NAIP: variants seen among roughly 807,000 people sequenced by gnomAD.
NAIP encodes baculoviral IAP repeat-containing protein 1.
A neutral mutation model predicts 23.0 loss-of-function variants in NAIP; 15 were observed. The observed-to-expected ratio is 0.65, with a 90% CI of 0.44 to 1.00. The LOEUF is 1.00. Ranked by LOEUF, NAIP falls within the 50% of genes least tolerant of loss-of-function variation. The probability of loss-of-function intolerance (pLI) is 0.00; values close to 1 mark genes in which losing one functional copy is unlikely to be tolerated. For missense variants in NAIP, 265 were observed against 278.8 expected (o/e 0.95, Z 0.35); for synonymous variants, 100 against 100.2 (o/e 1.00, Z 0.01).
chr5:71,011,637 T>C (rs4976210), intron 4 of NAIP: 403,735 of 508,792 alleles, frequency 0.79, 162,577 homozygotes, highest in African/African-American at 0.95. Flanking sequence ...GCTCTTTGAG[T>C]TCTCAGGGTC....
chr5:71,011,237 A>G lies in NAIP; in HGVS notation c.668+38T>C, dbSNP rs746371642. On this transcript the variant is annotated intron_variant, in intron 5 of 16. Transcript: ENST00000517649. ...GGCAGAGCAAGACTGTCTCAAAAAA[A>G]AAAGAAAGAAACATTTAAGCAAAAA... 7 of 1,511,288 alleles carry G rather than the reference A, an allele frequency of 4.6e-6. No individual in the cohort carries two copies. In the African/African-American group the frequency reaches 7.0e-5, roughly 15 times the overall value. The allele number at this position is 1,511,288 out of a possible 1,614,324, so 93.6% of individuals were successfully genotyped here. A position where few individuals can be genotyped will look rare whatever the true frequency, so the allele number is the denominator to read the frequency against.
Position 71,012,433 on chromosome 5 carries a change from A to C in NAIP, c.483T>G (p.Ala161=). The change falls in exon 4 of 17, where the codon GCT becomes GCG. Residue 161 remains alanine (A), a synonymous_variant. Transcript: ENST00000517649. The stretch of plus-strand genomic sequence containing the variant: ...GCCAGTTCCTGAAGGACGCAAGTCT[A>C]GCCTCCTCTTCTTGGTACCTCATTT... ...GGKMRYQEEE[A]RLASFRNWPF... 5 of 1,597,970 alleles carry C rather than the reference A, an allele frequency of 3.1e-6. No individual in the cohort carries two copies. The highest frequency in any genetic ancestry group is 4.3e-6 in the Non-Finnish European group (5 of 1,165,816).
rs1253917179 is a variant in NAIP at position 70,979,581 on chromosome 5, A to AT, written c.3442+287_3442+288insA. Among the ~76,000 whole-genome samples the AT allele has an allele frequency of 8.5e-5, 4 of 46,810 alleles. 1 individual carries two copies. The highest frequency in any genetic ancestry group is 1.6e-4 in the Non-Finnish European group (4 of 24,740). 30.7% of individuals were successfully genotyped at this position (46,810 alleles called of 152,430 possible). A position where few individuals can be genotyped will look rare whatever the true frequency, so the allele number is the denominator to read the frequency against. ...CAGCGGGAGACTGTCTCAAAAAAAA[A>AT]AAAAATAATAATAATAATAATAATA... On this transcript the variant is annotated intron_variant, in intron 13 of 16. Transcript: ENST00000517649.
At chr5:71,011,465 G>A (rs532981361) in intron 4 of NAIP, 91 bp from the exon 5 acceptor site, 2 of 1,078,376 alleles carry the variant, frequency 1.9e-6, no homozygotes, top group Non-Finnish European at 1.4e-6. Flanking sequence ...AGCAAGACAA[G>A]CTCCAGCGTG....
chr5:71,011,417 C>T, intron 4 of NAIP, 43 bp from the exon 5 acceptor site: 1 of 1,453,608 alleles, frequency 6.9e-7, no homozygotes. Context: ...GCAGTGGCAC[C>T]AGGGGGTATG....
intron 5 of NAIP, 50 bp downstream of exon 5, chr5:71,011,225 T>G: frequency 7.0e-7 from 1 of 1,424,646 alleles, no homozygotes. Context: ...AGAGCAAGAC[T>G]GTCTCAAAAA....
chr5:71,010,308 G>A (rs778667048), intron 5 of NAIP, among the ~76,000 whole-genome samples: 13 of 150,736 alleles, frequency 8.6e-5, no homozygotes, highest in East Asian at 3.9e-4. Context: ...TCACTCTGTC[G>A]CCCAGGCCGG....
chr5:71,014,308 G>C (rs1023099224), intron 3 of NAIP, among the ~76,000 whole-genome samples: 1 of 151,250 alleles, frequency 6.6e-6, no homozygotes, highest in Non-Finnish European at 1.5e-5. Context: ...ATGTTGGCCA[G>C]CTTGGTCTCC....
Position 71,012,493 on chromosome 5 carries a change from C to T in NAIP, c.423G>A (p.Arg141=). 1 of 1,611,632 alleles carries T rather than the reference C, an allele frequency of 6.2e-7. No individual in the cohort carries two copies. Among genetic ancestry groups the T allele is most frequent in the Non-Finnish European group, 8.5e-7 (1 of 1,178,452 alleles). ...DVGNIAKYDI[R]VKNLKSRLRG... is the part of the protein sequence containing the mutation. ...TCAGCCTGCTCTTCAGATTCTTCAC[C>T]CTTATGTCGTACTTGGCAATGTTAC... is the stretch of plus-strand genomic sequence containing the variant. Residue 141 remains arginine, a synonymous_variant, in exon 4 of 17, where the codon AGG becomes AGA. Coordinates refer to ENST00000517649, the MANE Select transcript of NAIP (RefSeq NM_004536.3).
rs1751166013 is a variant in NAIP, at chr5:71,011,653, G to T, written c.569-279C>A. ...CTCTTTGAGTTCTCAGGGTCAAAGT[G>T]ATAGGGAAGCCGACTAACACCAGGA... On this transcript the variant is annotated intron_variant, in intron 4 of 16. Coordinates refer to ENST00000517649, the MANE Select transcript of NAIP (RefSeq NM_004536.3). 3 of 501,040 alleles carry T rather than the reference G, an allele frequency of 6.0e-6. No homozygotes were observed. In the East Asian group the frequency reaches 1.1e-4, roughly 18 times the overall value. The allele number at this position is 501,040 out of a possible 1,614,324, so 31.0% of individuals were successfully genotyped here.
chr5:71,015,063 C>A lies in NAIP; in HGVS notation c.-3-2145G>T, dbSNP rs1751369766. ...ACAAATGCAAATTGATTATGATTTTCTCCTGAAATAGGAATCAAAAAGAAA... is the reference window on the plus strand; with the variant it reads ...ACAAATGCAAATTGATTATGATTTTATCCTGAAATAGGAATCAAAAAGAAA... On this transcript the variant is annotated intron_variant, in intron 3 of 16. Coordinates refer to ENST00000517649, the MANE Select transcript of NAIP (RefSeq NM_004536.3). Among the ~76,000 whole-genome samples the A allele has an allele frequency of 1.3e-5, 2 of 151,512 alleles. 1 individual carries two copies. Among genetic ancestry groups the A allele is most frequent in the Non-Finnish European group, 3.0e-5 (2 of 67,780 alleles).
chr5:71,010,599 T>TA (rs1235463269), intron 5 of NAIP, among the ~76,000 whole-genome samples: 3 of 150,790 alleles, frequency 2.0e-5, no homozygotes, highest in Non-Finnish European at 4.4e-5. Flanking sequence ...ACAGGGTCTC[T>TA]ACATGCCAGG....
chr5:71,012,435 C>G lies in NAIP; in HGVS notation c.481G>C (p.Ala161Pro). ...GGKMRYQEEEARLASFRNWPF... is the reference protein window; with the variant it reads ...GGKMRYQEEEPRLASFRNWPF... ...CAGTTCCTGAAGGACGCAAGTCTAGCCTCCTCTTCTTGGTACCTCATTTTA... is the reference window on the plus strand; with the variant it reads ...CAGTTCCTGAAGGACGCAAGTCTAGGCTCCTCTTCTTGGTACCTCATTTTA... Residue 161 changes from alanine to proline, a missense_variant, in exon 4 of 17, where the codon GCT becomes CCT. Around this residue, in one of 2 missense-constraint regions of NAIP, gnomAD observed 261 missense variants for 259.2 expected, o/e 1.01. Transcript: ENST00000517649. The G allele has an allele frequency of 1.5e-4, 237 of 1,584,654 alleles. No homozygotes were observed. Among genetic ancestry groups the G allele is most frequent in the Middle Eastern group, 3.3e-4 (2 of 6,016 alleles).
At chr5:70,978,097 GTA>G (rs1185231998) in intron 13 of NAIP, among the ~76,000 whole-genome samples, 5 of 72,762 alleles carry the variant, frequency 6.9e-5, no homozygotes, top group Admixed American at 1.8e-4. Flanking sequence ...CAGCTTCGGT[GTA>G]TATATGTATG....
rs975209710 is a variant in NAIP at position 71,025,160 on chromosome 5, T to C, written c.-764A>G. On this transcript the variant is annotated 5_prime_UTR_variant, in exon 1 of 17. Coordinates refer to ENST00000517649, the MANE Select transcript of NAIP (RefSeq NM_004536.3). Reference sequence around the variant, plus strand: ...TATATATATTTATTATATCACAATATTGCAGCCTACTACTTGCCAGGCACA... The same window carrying C: ...TATATATATTTATTATATCACAATACTGCAGCCTACTACTTGCCAGGCACA... 66 of 32,342 alleles carry C rather than the reference T, an allele frequency of 2.0e-3. 24 individuals are homozygous for C. The highest frequency in any genetic ancestry group is 3.3e-3 in the Non-Finnish European group (59 of 17,680). 2.0% of individuals were successfully genotyped at this position (32,342 alleles called of 1,614,324 possible). A position where few individuals can be genotyped will look rare whatever the true frequency, so the allele number is the denominator to read the frequency against.
chr5:70,979,584 A>AAAT (rs781336414), intron 13 of NAIP, among the ~76,000 whole-genome samples: 798 of 42,798 alleles, frequency 0.019, 282 homozygotes, highest in Middle Eastern at 0.032. Context: ...AAAAAAAAAA[A>AAAT]AATAATAATA....
intron 4 of NAIP, chr5:71,011,730 C>T (rs1561517204): frequency 4.5e-6 from 2 of 446,620 alleles, no homozygotes; most frequent in Non-Finnish European, 8.6e-6. Context: ...CTTGCCATGA[C>T]ATTTCGGTAG....
rs207728 is a variant in NAIP, at chr5:71,008,764, G to A, written c.668+2511C>T. 7.4e-5 allele frequency among the ~76,000 whole-genome samples: 6 copies of A among 80,770 alleles called. No individual in the cohort carries two copies. The South Asian group carries it at 1.7e-3, about 23-fold the overall frequency. The allele number at this position is 80,770 out of a possible 152,430, so 53.0% of individuals were successfully genotyped here. ...GGTTGCAGTGAGCCAAGATTGCACC[G>A]CTGCACTCAAGCCTGGGCAACAGAG... is the stretch of plus-strand genomic sequence containing the variant. On this transcript the variant is annotated intron_variant, in intron 5 of 16. Transcript: ENST00000517649.
At position 71,012,334 on chromosome 5, in the gene NAIP, T is replaced by C. The variant is rs1751197104; in HGVS notation, c.568+14A>G. On this transcript the variant is annotated intron_variant, in intron 4 of 16. Transcript: ENST00000517649. ...AACGCCAGAGAAACACTTCAGAGAATAATTTCAAGGTACCTGTAAAGACAA... is the reference window on the plus strand; with the variant it reads ...AACGCCAGAGAAACACTTCAGAGAACAATTTCAAGGTACCTGTAAAGACAA... 6.4e-7 allele frequency: 1 copy of C among 1,565,052 alleles called. No homozygotes were observed. Among genetic ancestry groups the C allele is most frequent in the Non-Finnish European group, 8.7e-7 (1 of 1,153,880 alleles).
Sources: allele counts gnomAD v4.1 joint callset (sites outside exome capture counted in the v4.1 genomes callset), GRCh38; gene constraint gnomAD v4.1.1; regional missense constraint gnomAD v4.1.1; transcripts MANE v1.5; gene names NCBI Gene and HGNC (gene_info 2026-07-23, HGNC 2026-07-21).